SH2D4B: variants seen among roughly 807,000 people sequenced by gnomAD.
SH2D4B encodes SH2 domain containing 4B, also known as SH2 domain-containing protein 4B.
Under a neutral mutation model 61.5 loss-of-function variants are expected in SH2D4B, and 45 were observed. The observed-to-expected ratio is 0.73, with a 90% CI of 0.58 to 0.94. The LOEUF is 0.94. SH2D4B is among the 40% of genes least tolerant of loss of function. The probability of loss-of-function intolerance (pLI) is 0.00; values close to 1 mark genes in which losing one functional copy is unlikely to be tolerated. For synonymous variants in SH2D4B, 224 were observed against 220.4 expected (o/e 1.02, Z -0.14); for missense variants, 572 against 574.2 (o/e 1.00, Z 0.04).
chr10:80,585,162 C>T (rs531980853), intron 3 of SH2D4B, among the ~76,000 whole-genome samples: 1 of 152,002 alleles, frequency 6.6e-6, no homozygotes, highest in African/African-American at 2.4e-5. Flanking sequence ...ATTTAGGGAC[C>T]CCAAATCTCT....
chr10:80,560,277 G>T (rs1188561601), intron 1 of SH2D4B, among the ~76,000 whole-genome samples: 1 of 151,866 alleles, frequency 6.6e-6, no homozygotes, highest in African/African-American at 2.4e-5. Context: ...GTGAGCCACC[G>T]TGCCCGGCTG....
rs769408150 is a variant in SH2D4B, at chr10:80,600,520, C to CGTGTGTGTGTGTGTGT, written c.644-3059_644-3058insGTGTGTGTGTGTGTGT. Reference sequence around the variant, plus strand: ...GTGGTGGAGCTACAGTGCAGAGTGGCATGTGTGTGTGTGTGTGTGTGTGTG... The same window carrying CGTGTGTGTGTGTGTGT: ...GTGGTGGAGCTACAGTGCAGAGTGGCGTGTGTGTGTGTGTGTATGTGTGTGTGTGTGTGTGTGTGTG... On this transcript the variant is annotated intron_variant, in intron 4 of 7. Transcript: ENST00000646907. 5.3e-3 allele frequency among the ~76,000 whole-genome samples: 712 copies of CGTGTGTGTGTGTGTGT among 133,702 alleles called. 8 individuals carry two copies. Among genetic ancestry groups the CGTGTGTGTGTGTGTGT allele is most frequent in the African/African-American group, 0.018 (609 of 34,536 alleles). 87.7% of individuals were successfully genotyped at this position (133,702 alleles called of 152,430 possible). A position where few individuals can be genotyped will look rare whatever the true frequency, so the allele number is the denominator to read the frequency against.
chr10:80,546,835 G>A (rs1041379282), intron 1 of SH2D4B, among the ~76,000 whole-genome samples: 3 of 152,190 alleles, frequency 2.0e-5, no homozygotes, highest in Non-Finnish European at 4.4e-5. Flanking sequence ...CCAGCATACG[G>A]TATTTTAAAA....
intron 6 of SH2D4B, among the ~76,000 whole-genome samples, chr10:80,625,078 C>A (rs972023061): frequency 2.0e-5 from 3 of 152,124 alleles, no homozygotes; most frequent in African/African-American, 4.8e-5. Context: ...ATATATTAAT[C>A]TCCAAATGTT....
At chr10:80,619,504 T>A (rs1842694299) in intron 6 of SH2D4B, among the ~76,000 whole-genome samples, 1 of 152,154 alleles carries the variant, frequency 6.6e-6, no homozygotes, top group African/African-American at 2.4e-5. Context: ...TCTCCTGAAG[T>A]CTCCATCAAG....
intron 6 of SH2D4B, among the ~76,000 whole-genome samples, chr10:80,622,693 G>A (rs1842728713): frequency 6.6e-6 from 1 of 152,174 alleles, no homozygotes. Flanking sequence ...CCTATTTTCA[G>A]CTGCCACTCT....
intron 1 of SH2D4B, among the ~76,000 whole-genome samples, chr10:80,542,394 CTATCTT>C (rs1382354633): frequency 4.8e-5 from 6 of 124,004 alleles, no homozygotes; most frequent in African/African-American, 1.6e-4. Flanking sequence ...CCTGTCAGTT[CTATCTT>C]TTTTTTTTTT....
At chr10:80,541,054 TGA>T in intron 1 of SH2D4B, 1 of 776,216 alleles carries the variant, frequency 1.3e-6, no homozygotes, top group Non-Finnish European at 2.2e-6. Context: ...AGTACACACT[TGA>T]GAGAGAAGTG....
At chr10:80,613,057 C>T (rs888153047) in intron 6 of SH2D4B, among the ~76,000 whole-genome samples, 1 of 152,308 alleles carries the variant, frequency 6.6e-6, no homozygotes, top group East Asian at 1.9e-4. Context: ...TTCCTGGGAT[C>T]TGGGGTCAAC....
chr10:80,636,325 G>T (rs778871608), intron 7 of SH2D4B, among the ~76,000 whole-genome samples: 1 of 152,116 alleles, frequency 6.6e-6, no homozygotes, highest in Non-Finnish European at 1.5e-5. Context: ...TAATGGGATC[G>T]CTGGGTCAAA....
rs578204431 is a variant in SH2D4B, at chr10:80,579,559, A to G, written c.495+7981A>G. Among the ~76,000 whole-genome samples, 192 of 151,526 alleles carry G rather than the reference A, an allele frequency of 1.3e-3. 1 individual carries two copies. The highest frequency in any genetic ancestry group is 3.4e-3 in the Middle Eastern group (1 of 294). On this transcript the variant is annotated intron_variant, in intron 3 of 7. Coordinates refer to ENST00000646907, the MANE Select transcript of SH2D4B (RefSeq NM_001388272.1). ...TCTTCTTCCACCCCGGGGTCCTGTG[A>G]CCTTCCTTCTCTGCTTGCAATCTCC...
intron 6 of SH2D4B, among the ~76,000 whole-genome samples, chr10:80,611,454 G>T (rs1008381415): frequency 3.9e-5 from 6 of 152,296 alleles, no homozygotes; most frequent in African/African-American, 1.4e-4. Flanking sequence ...GCTCTTTAGG[G>T]CTCAGAGAGA....
chr10:80,639,592 T>G (rs1161074082), intron 7 of SH2D4B, among the ~76,000 whole-genome samples: 1 of 152,240 alleles, frequency 6.6e-6, no homozygotes, highest in Non-Finnish European at 1.5e-5. Flanking sequence ...TATCAGAGAC[T>G]AGGATTGCAA....
intron 1 of SH2D4B, among the ~76,000 whole-genome samples, chr10:80,566,441 A>G (rs1841970136): frequency 6.6e-6 from 1 of 151,814 alleles, no homozygotes; most frequent in South Asian, 2.1e-4. Flanking sequence ...GATTACAAGC[A>G]TGCACCATCA....
intron 3 of SH2D4B, among the ~76,000 whole-genome samples, chr10:80,586,165 A>G (rs1294117313): frequency 6.6e-6 from 1 of 151,916 alleles, no homozygotes; most frequent in African/African-American, 2.4e-5. Flanking sequence ...CCCCTCCTCC[A>G]TGGGCTCCTG....
At chr10:80,617,900 C>T (rs60300749) in intron 6 of SH2D4B, among the ~76,000 whole-genome samples, 21,592 of 152,178 alleles carry the variant, frequency 0.14, 2,243 homozygotes, top group African/African-American at 0.29. Context: ...AGTATTAGTC[C>T]CAATAGTCTG....
chr10:80,639,639 C>T lies in SH2D4B; in HGVS notation c.1210-4354C>T, dbSNP rs116924979. Among the ~76,000 whole-genome samples the T allele has an allele frequency of 9.9e-3, 1,502 of 152,248 alleles. 12 individuals carry two copies. The highest frequency in any genetic ancestry group is 0.016 in the Non-Finnish European group (1,085 of 68,010). The stretch of plus-strand genomic sequence containing the variant: ...TTTGCTTTCCATTTGCTTGGTAGAT[C>T]GTCCTTCATCTCTTTATTTTGAGCC... On this transcript the variant is annotated intron_variant, in intron 7 of 7. Coordinates refer to ENST00000646907, the MANE Select transcript of SH2D4B (RefSeq NM_001388272.1).
intron 4 of SH2D4B, among the ~76,000 whole-genome samples, chr10:80,597,522 C>T (rs1180400943): frequency 6.6e-6 from 1 of 152,082 alleles, no homozygotes; most frequent in African/African-American, 2.4e-5. Flanking sequence ...AAAAATTAGC[C>T]AGGCATGGCG....
chr10:80,540,969 G>C (rs1188445070), intron 1 of SH2D4B: 1 of 1,409,608 alleles, frequency 7.1e-7, no homozygotes, highest in Non-Finnish European at 9.8e-7. Flanking sequence ...CCAGGCTCTT[G>C]AAACTGTCTT....
Sources: gnomAD v4.1 joint callset for allele counts (sites outside exome capture counted in the v4.1 genomes callset) on GRCh38, gnomAD v4.1.1 for gene constraint, MANE v1.5 for transcripts, NCBI Gene and HGNC (gene_info 2026-07-23, HGNC 2026-07-21) for gene names.